The following TULP4 variants were observed in gnomAD, a reference collection of about 807,000 sequenced individuals.
The protein encoded by TULP4 is tubby-related protein 4.
In TULP4, 16 loss-of-function variants were observed where a neutral mutation model predicts 129.0. The ratio of observed to expected loss-of-function variants is 0.12; its 90% CI spans 0.08 to 0.19. The LOEUF is 0.19. TULP4 is among the 10% of genes least tolerant of loss of function. TULP4 has a pLI of 1.00. For synonymous variants in TULP4, 998 were observed against 854.0 expected, an observed-to-expected ratio of 1.17 and a Z score of -2.94; for missense variants, 1,842 against 2,059.1, an observed-to-expected ratio of 0.89 and a Z score of 2.04.
chr6:158,261,140 G>A (rs1431710856), intron 1 of TULP4, among the ~76,000 whole-genome samples: 2 of 152,138 alleles, frequency 1.3e-5, no homozygotes, highest in Non-Finnish European at 2.9e-5. Flanking sequence ...TTCTAGATCA[G>A]TGCTCTCCAG....
At chr6:158,324,679 A>G (rs1327425891) in intron 1 of TULP4, among the ~76,000 whole-genome samples, 1 of 152,104 alleles carries the variant, frequency 6.6e-6, no homozygotes, top group Non-Finnish European at 1.5e-5. Context: ...TGTGTGTGCT[A>G]TGTCCATTAT....
intron 1 of TULP4, among the ~76,000 whole-genome samples, chr6:158,316,447 A>G (rs950156031): frequency 6.6e-6 from 1 of 152,212 alleles, no homozygotes; most frequent in Non-Finnish European, 1.5e-5. Context: ...TAATTTATGA[A>G]GAGGCTTCTT....
At chr6:158,328,433 A>G (rs1779798374) in intron 1 of TULP4, among the ~76,000 whole-genome samples, 1 of 152,106 alleles carries the variant, frequency 6.6e-6, no homozygotes, top group Non-Finnish European at 1.5e-5. Flanking sequence ...GCTTTTCACA[A>G]CATCATTCTT....
intron 5 of TULP4, among the ~76,000 whole-genome samples, chr6:158,461,239 C>G (rs1289430266): frequency 2.6e-5 from 4 of 152,012 alleles, no homozygotes; most frequent in Non-Finnish European, 4.4e-5. Context: ...TGGAGAAATC[C>G]CATCTCTACT....
At position 158,275,617 on chromosome 6, in the gene TULP4, T is replaced by C. The variant is rs143704773; in HGVS notation, n.69-36434T>C. 9.4e-3 allele frequency among the ~76,000 whole-genome samples: 1,426 copies of C among 152,332 alleles called. 21 individuals are homozygous for C. The highest frequency in any genetic ancestry group is 0.032 in the African/African-American group (1,315 of 41,560). ...AGAGATTCCTTTGAACCCACCTTGA[T>C]GTACATAACTACACTAATGGCAAGT... On this transcript the variant is annotated intron_variant and non_coding_transcript_variant, in intron 1 of 1. Coordinates refer to the TULP4 transcript ENST00000620026.
chr6:158,255,831 T>TGTC (rs1343857143), intron 1 of TULP4, among the ~76,000 whole-genome samples: 4 of 152,228 alleles, frequency 2.6e-5, no homozygotes, highest in African/African-American at 9.6e-5. Flanking sequence ...ATGCAATAGC[T>TGTC]GTCATTCTTT....
chr6:158,239,520 T>C (rs1777809486), intron 1 of TULP4, among the ~76,000 whole-genome samples: 1 of 54,630 alleles, frequency 1.8e-5, no homozygotes, highest in Non-Finnish European at 3.9e-5. Context: ...GCTCCTCACT[T>C]CCCAGTAAGG....
At chr6:158,474,313 G>A (rs1296580062) in intron 6 of TULP4, among the ~76,000 whole-genome samples, 2 of 152,192 alleles carry the variant, frequency 1.3e-5, no homozygotes, top group East Asian at 1.9e-4. Context: ...CTCGGTGGCC[G>A]GGTAGCCAGT....
chr6:158,350,666 A>G (rs923790921), intron 1 of TULP4, among the ~76,000 whole-genome samples: 1 of 152,176 alleles, frequency 6.6e-6, no homozygotes, highest in Non-Finnish European at 1.5e-5. Context: ...GGGAGGTTGC[A>G]GCGAGCTGAG....
chr6:158,428,100 G>A (rs1196684795), intron 2 of TULP4: 15 of 152,218 alleles, frequency 9.9e-5, no homozygotes, highest in Admixed American at 9.8e-4. Flanking sequence ...TCCAGCCTGG[G>A]CAACAGAGCA....
chr6:158,280,530 C>A (rs185399763), upstream of TULP4, among the ~76,000 whole-genome samples: 11 of 152,362 alleles, frequency 7.2e-5, no homozygotes, highest in East Asian at 2.1e-3. Flanking sequence ...AAGGAGAAAA[C>A]TGGTCAGGAG....
At chr6:158,368,897 A>G (rs1041863622) in intron 1 of TULP4, among the ~76,000 whole-genome samples, 2 of 152,198 alleles carry the variant, frequency 1.3e-5, no homozygotes, top group Admixed American at 6.5e-5. Context: ...AGATTATTTT[A>G]TCATGTAGTC....
At chr6:158,454,029 C>CCCCCG (rs1554293031) in intron 5 of TULP4, among the ~76,000 whole-genome samples, 1 of 147,938 alleles carries the variant, frequency 6.8e-6, no homozygotes, top group Non-Finnish European at 1.5e-5. Flanking sequence ...CCGCCCCCCC[C>CCCCCG]CAAGTAATTA....
intron 3 of TULP4, among the ~76,000 whole-genome samples, chr6:158,439,750 T>C (rs910016732): frequency 5.1e-5 from 7 of 136,298 alleles, no homozygotes; most frequent in Admixed American, 3.2e-4. Context: ...CTTGCTCTGT[T>C]GCCCAGGCTG....
At chr6:158,245,920 G>GCA (rs547822861) in intron 1 of TULP4, among the ~76,000 whole-genome samples, 1 of 152,114 alleles carries the variant, frequency 6.6e-6, no homozygotes, top group Non-Finnish European at 1.5e-5. Flanking sequence ...AGGTAACCAT[G>GCA]GTCTCAAAGA....
intron 2 of TULP4, chr6:158,427,731 T>C (rs1442325109): frequency 6.6e-6 from 1 of 152,204 alleles, no homozygotes; most frequent in Middle Eastern, 3.2e-3. Context: ...GACCTCGTGA[T>C]CTGCCTGCCT....
chr6:158,272,146 C>T (rs777456635), intron 1 of TULP4, among the ~76,000 whole-genome samples: 2 of 152,024 alleles, frequency 1.3e-5, no homozygotes, highest in Non-Finnish European at 2.9e-5. Context: ...GAGGAGAAAG[C>T]CTTATCCACT....
chr6:158,492,170 T>C (rs548572797), intron 9 of TULP4, among the ~76,000 whole-genome samples: 1 of 152,334 alleles, frequency 6.6e-6, no homozygotes, highest in Non-Finnish European at 1.5e-5. Flanking sequence ...GAGTTCTTTC[T>C]TCTAGATTTG....
In TULP4 at chr6:158,511,773, T is replaced by A. The variant is rs1364053292; in HGVS notation, c.*5079T>A. 6.6e-6 allele frequency: 1 copy of A among 152,216 alleles called. No homozygotes were observed. Among genetic ancestry groups the A allele is most frequent in the Admixed American group, 6.5e-5 (1 of 15,276 alleles). The allele number at this position is 152,216 out of a possible 1,614,324, so 9.4% of individuals were successfully genotyped here. ...ATCTCCTTATTTTTTTCTTGATGAT[T>A]TGAAGTTGTAAGAGTTGTCCAGCTA... On this transcript the variant is annotated 3_prime_UTR_variant, in exon 14 of 14. Coordinates refer to ENST00000367097, the MANE Select transcript of TULP4 (RefSeq NM_020245.5).
Sources: allele counts gnomAD v4.1 joint callset (sites outside exome capture counted in the v4.1 genomes callset), GRCh38; gene constraint gnomAD v4.1.1; transcripts MANE v1.5; gene names NCBI Gene and HGNC (gene_info 2026-07-23, HGNC 2026-07-21).